The following LRBA variants were observed in gnomAD, a reference collection of about 807,000 sequenced individuals.
LRBA encodes the protein lipopolysaccharide-responsive and beige-like anchor protein.
In LRBA, 176 loss-of-function variants were observed where a neutral mutation model predicts 330.0. The ratio of observed to expected loss-of-function variants is 0.53; its 90% confidence interval spans 0.47 to 0.60. The LOEUF (loss-of-function observed/expected upper bound fraction) is 0.60. Ranked by LOEUF, LRBA falls within the 20% of genes least tolerant of loss-of-function variation. LRBA has a pLI of 0.00. For synonymous variants in LRBA, 1,230 were observed against 1,193.0 expected, an observed-to-expected ratio of 1.03 and a Z score of -0.64; for missense variants, 3,259 against 3,444.8, an observed-to-expected ratio of 0.95 and a Z score of 1.35.
chr4:150,975,710 G>A (rs1740086776), intron 2 of LRBA, among the ~76,000 whole-genome samples: 1 of 151,978 alleles, frequency 6.6e-6, no homozygotes, highest in Admixed American at 6.6e-5. Flanking sequence ...GCAGAATGGA[G>A]ATGACAGAAA....
intron 40 of LRBA, among the ~76,000 whole-genome samples, chr4:150,558,158 C>G (rs1183902917): frequency 6.6e-6 from 1 of 152,130 alleles, no homozygotes; most frequent in Admixed American, 6.6e-5. Flanking sequence ...CTTGGCCTCC[C>G]AAAGTGCTAG....
At chr4:150,960,383 G>A (rs531150621) in intron 2 of LRBA, among the ~76,000 whole-genome samples, 1 of 148,960 alleles carries the variant, frequency 6.7e-6, no homozygotes, top group East Asian at 1.9e-4. Context: ...CCATGAATAT[G>A]CACTTAACAA....
chr4:150,581,706 G>T (rs1389671578), intron 40 of LRBA: 1 of 153,180 alleles, frequency 6.5e-6, no homozygotes, highest in Non-Finnish European at 1.5e-5. Context: ...GCAAGCATTT[G>T]ACTCCCATTA....
At chr4:150,660,451 G>C (rs112446597) in intron 37 of LRBA, among the ~76,000 whole-genome samples, 1 of 141,960 alleles carries the variant, frequency 7.0e-6, no homozygotes, top group Admixed American at 7.1e-5. Flanking sequence ...CCCTCTGCCC[G>C]GCCAGCCGCC....
intron 56 of LRBA, among the ~76,000 whole-genome samples, chr4:150,271,442 G>A (rs1218226481): frequency 2.6e-5 from 4 of 150,956 alleles, no homozygotes; most frequent in African/African-American, 9.8e-5. Context: ...CTCCCATGGA[G>A]CCCAGCAAGC....
At chr4:150,754,392 C>T (rs1457008659) in intron 35 of LRBA, among the ~76,000 whole-genome samples, 1 of 151,662 alleles carries the variant, frequency 6.6e-6, no homozygotes, top group Non-Finnish European at 1.5e-5. Context: ...AGAGCATATA[C>T]TTTATTCTAA....
At chr4:150,766,802 A>G (rs1326241352) in intron 34 of LRBA, among the ~76,000 whole-genome samples, 1 of 152,156 alleles carries the variant, frequency 6.6e-6, no homozygotes, top group Non-Finnish European at 1.5e-5. Flanking sequence ...TCCAACCACT[A>G]ATGCAACTAA....
At chr4:150,880,514 T>C (rs1476678234) in intron 17 of LRBA, among the ~76,000 whole-genome samples, 1 of 110,714 alleles carries the variant, frequency 9.0e-6, no homozygotes, top group Admixed American at 1.0e-4. Context: ...AGCAATACCC[T>C]GTCTCCAAAA....
intron 53 of LRBA, among the ~76,000 whole-genome samples, chr4:150,301,008 A>C (rs1270098046): frequency 1.3e-5 from 2 of 152,024 alleles, no homozygotes; most frequent in Non-Finnish European, 2.9e-5. Flanking sequence ...TACATTTTTA[A>C]GGCAAGAAAA....
intron 43 of LRBA, among the ~76,000 whole-genome samples, chr4:150,471,120 A>G (rs1227185040): frequency 6.6e-6 from 1 of 152,182 alleles, no homozygotes; most frequent in Non-Finnish European, 1.5e-5. Flanking sequence ...TACTTCATGC[A>G]CACAAAAATA....
intron 37 of LRBA, among the ~76,000 whole-genome samples, chr4:150,655,023 T>G (rs544817223): frequency 6.6e-6 from 1 of 152,288 alleles, no homozygotes; most frequent in East Asian, 1.9e-4. Flanking sequence ...TGTGTCTTTA[T>G]AGCAGCATGA....
At chr4:150,593,294 A>G (rs1393401121) in intron 38 of LRBA, among the ~76,000 whole-genome samples, 1 of 152,220 alleles carries the variant, frequency 6.6e-6, no homozygotes, top group Non-Finnish European at 1.5e-5. Context: ...TAAGGCTAAT[A>G]TTACATATCA....
intron 40 of LRBA, among the ~76,000 whole-genome samples, chr4:150,585,152 G>A (rs918995488): frequency 2.6e-5 from 4 of 152,012 alleles, no homozygotes; most frequent in South Asian, 2.1e-4. Context: ...TCCTTCAACC[G>A]TTTGTCCTCT....
At chr4:150,559,866 A>AATT (rs1768009049) in intron 40 of LRBA, among the ~76,000 whole-genome samples, 2 of 75,652 alleles carry the variant, frequency 2.6e-5, no homozygotes, top group African/African-American at 5.6e-5. Context: ...AATTATATAT[A>AATT]ATATATAATT....
intron 35 of LRBA, among the ~76,000 whole-genome samples, chr4:150,760,709 C>T (rs183193412): frequency 6.6e-6 from 1 of 152,048 alleles, no homozygotes; most frequent in Admixed American, 6.6e-5. Flanking sequence ...CATGACAAAT[C>T]GTACTGATCC....
At chr4:150,557,581 T>C (rs922422838) in intron 40 of LRBA, among the ~76,000 whole-genome samples, 20 of 152,048 alleles carry the variant, frequency 1.3e-4, no homozygotes, top group African/African-American at 4.8e-4. Context: ...TGGATTTTAA[T>C]GGTTTTTAAG....
At chr4:150,671,662 A>C (rs1361682236) in intron 37 of LRBA, among the ~76,000 whole-genome samples, 3 of 152,218 alleles carry the variant, frequency 2.0e-5, no homozygotes, top group East Asian at 3.8e-4. Flanking sequence ...ATGTAGGACA[A>C]ATAGCATCCT....
intron 22 of LRBA, among the ~76,000 whole-genome samples, chr4:150,866,054 T>C (rs1752642838): frequency 6.6e-6 from 1 of 152,212 alleles, no homozygotes; most frequent in African/African-American, 2.4e-5. Context: ...CAAAATATCT[T>C]AGAATAATAA....
At chr4:150,741,066 TAGA>T (rs1731895064) in intron 35 of LRBA, among the ~76,000 whole-genome samples, 1 of 152,232 alleles carries the variant, frequency 6.6e-6, no homozygotes, top group Middle Eastern at 3.4e-3. Flanking sequence ...AAAAAGTTTC[TAGA>T]AGATTACATA....
Sources: allele counts gnomAD v4.1 joint callset (sites outside exome capture counted in the v4.1 genomes callset), GRCh38; gene constraint gnomAD v4.1.1; transcripts MANE v1.5; gene names NCBI Gene and HGNC (gene_info 2026-07-23, HGNC 2026-07-21).